TAF2: variants seen among roughly 807,000 people sequenced by gnomAD.
TAF2 encodes transcription initiation factor TFIID subunit 2.
In TAF2, 61 loss-of-function variants were observed where a neutral mutation model predicts 138.5. The ratio of observed to expected loss-of-function variants is 0.44; its 90% confidence interval spans 0.36 to 0.54. TAF2 has a LOEUF of 0.54. Among genes scored for constraint, TAF2 ranks in the 20% least tolerant of loss-of-function variants. TAF2 has a pLI of 0.00. For synonymous variants in TAF2, 475 were observed against 469.9 expected (o/e 1.01, Z -0.14); for missense variants, 1,090 against 1,427.9 (o/e 0.76, Z 3.81).
At chr8:119,793,231 G>T in intron 10 of TAF2, 135 bp downstream of exon 10, 1 of 667,838 alleles carries the variant, frequency 1.5e-6, no homozygotes, top group South Asian at 2.2e-5. Context: ...GAGTCTGTAA[G>T]CTTTAGCAAA....
chr8:119,823,949 C>G (rs1263874256), intron 2 of TAF2, among the ~76,000 whole-genome samples: 4 of 152,222 alleles, frequency 2.6e-5, no homozygotes, highest in Non-Finnish European at 1.5e-5. Flanking sequence ...AGACTGGCAG[C>G]ATTTTGCCCC....
At position 119,781,084 on chromosome 8, in the gene TAF2, A is replaced by G; in HGVS notation, c.2222T>C (p.Phe741Ser). 4.3e-6 allele frequency: 7 copies of G among 1,613,762 alleles called. No individual in the cohort carries two copies. The highest frequency in any genetic ancestry group is 5.9e-6 in the Non-Finnish European group (7 of 1,179,986). The change falls in exon 17 of 26, where the codon TTT becomes TCT. Residue 741 changes from phenylalanine (F) to serine (S), a missense_variant. Physicochemically the swap from Phe to Ser is radical, Grantham distance 155 (BLOSUM62 -2). Transcript: ENST00000378164. ...TAGAAAATAGCTTTGAAAGCTCATA[A>G]AGTTGTTTGTTTTCACAATGTTTGG... ...SCPNIVKTNN[F>S]MSFQSYFLQK...
chr8:119,791,532 A>T, intron 10 of TAF2, 73 bp from the exon 11 acceptor site: 3 of 1,517,690 alleles, frequency 2.0e-6, no homozygotes, highest in Non-Finnish European at 2.7e-6. Flanking sequence ...TCATGACCAC[A>T]TCAAGAAAAT....
At chr8:119,736,018 G>A (rs1819202019) in intron 25 of TAF2, among the ~76,000 whole-genome samples, 1 of 152,156 alleles carries the variant, frequency 6.6e-6, no homozygotes, top group African/African-American at 2.4e-5. Flanking sequence ...CATTTCAGAG[G>A]AGAAAGAAGT....
At chr8:119,786,343 T>C (rs1276028306) in intron 14 of TAF2, among the ~76,000 whole-genome samples, 1 of 152,210 alleles carries the variant, frequency 6.6e-6, no homozygotes, top group Non-Finnish European at 1.5e-5. Flanking sequence ...TTCTTTCCCT[T>C]CAATCACCAT....
At chr8:119,830,846 C>G (rs1826399539) in intron 2 of TAF2, among the ~76,000 whole-genome samples, 1 of 152,168 alleles carries the variant, frequency 6.6e-6, no homozygotes, top group South Asian at 2.1e-4. Context: ...TGGTTCATGC[C>G]TGTAATCCCA....
chr8:119,759,478 A>C (rs1313370427), intron 20 of TAF2, among the ~76,000 whole-genome samples: 1 of 152,054 alleles, frequency 6.6e-6, no homozygotes, highest in Non-Finnish European at 1.5e-5. Context: ...CATACTTTTA[A>C]GTTTTTTACT....
intron 2 of TAF2, among the ~76,000 whole-genome samples, chr8:119,827,857 C>T (rs1826201345): frequency 6.6e-6 from 1 of 151,838 alleles, no homozygotes; most frequent in South Asian, 2.1e-4. Flanking sequence ...GATTCTCCTG[C>T]CTCAGCCTCC....
At chr8:119,791,251 A>T in intron 11 of TAF2, 73 bp downstream of exon 11, 1 of 1,563,070 alleles carries the variant, frequency 6.4e-7, no homozygotes, top group Non-Finnish European at 8.7e-7. Flanking sequence ...CTCCTATTCT[A>T]CAGAAACATA....
At chr8:119,825,175 C>G (rs1392630256) in intron 2 of TAF2, among the ~76,000 whole-genome samples, 1 of 152,242 alleles carries the variant, frequency 6.6e-6, no homozygotes. Flanking sequence ...CTTGCATCAG[C>G]ATGACCTGGA....
At chr8:119,828,420 T>C (rs1826232306) in intron 2 of TAF2, among the ~76,000 whole-genome samples, 1 of 152,192 alleles carries the variant, frequency 6.6e-6, no homozygotes, top group Admixed American at 6.5e-5. Flanking sequence ...AAAGCTTTGC[T>C]ATACAATAAG....
intron 22 of TAF2, among the ~76,000 whole-genome samples, chr8:119,753,883 C>A (rs1384770355): frequency 6.6e-6 from 1 of 152,080 alleles, no homozygotes; most frequent in Non-Finnish European, 1.5e-5. Context: ...AGAGTGAGTG[C>A]CACATATGAA....
intron 22 of TAF2, 46 bp from the exon 23 acceptor site, chr8:119,746,980 C>G (rs1188404449): frequency 1.3e-6 from 2 of 1,584,318 alleles, no homozygotes; most frequent in East Asian, 2.2e-5. Flanking sequence ...CACATTGATT[C>G]ATACATTTTA....
chr8:119,752,347 A>G (rs1382159059), intron 22 of TAF2, among the ~76,000 whole-genome samples: 1 of 152,182 alleles, frequency 6.6e-6, no homozygotes, highest in Non-Finnish European at 1.5e-5. Flanking sequence ...TTGGAAAGAT[A>G]CTAGAGTACC....
intron 20 of TAF2, 24 bp downstream of exon 20, chr8:119,760,575 G>A (rs760266873): frequency 6.2e-6 from 10 of 1,609,916 alleles, no homozygotes; most frequent in Admixed American, 1.7e-5. Context: ...AAAATGATAT[G>A]AGCACGTATT....
intron 2 of TAF2, among the ~76,000 whole-genome samples, chr8:119,824,629 G>C (rs1825988033): frequency 6.6e-6 from 1 of 152,160 alleles, no homozygotes; most frequent in Non-Finnish European, 1.5e-5. Context: ...AAGTGGTTTT[G>C]TGGGCCAGGC....
intron 10 of TAF2, chr8:119,791,959 C>T (rs1156402340): frequency 1.3e-5 from 2 of 152,986 alleles, no homozygotes; most frequent in South Asian, 2.1e-4. Context: ...AAAATTAAAA[C>T]ATTTTGACAC....
chr8:119,772,129 T>C lies in TAF2; in HGVS notation c.2364+5890A>G, dbSNP rs533617213. On this transcript the variant is annotated intron_variant, in intron 18 of 25. Transcript: ENST00000378164. Reference sequence around the variant, plus strand: ...AAATCAAGACAAATAAAAAAAAGAATGAAAATAGAGATACAACATACCAAA... The same window carrying C: ...AAATCAAGACAAATAAAAAAAAGAACGAAAATAGAGATACAACATACCAAA... 3.9e-5 allele frequency among the ~76,000 whole-genome samples: 6 copies of C among 152,088 alleles called. No homozygotes were observed. The South Asian group carries it at 1.2e-3, about 32-fold the overall frequency.
chr8:119,816,309 G>A (rs748428542), intron 3 of TAF2, among the ~76,000 whole-genome samples: 72 of 151,314 alleles, frequency 4.8e-4, no homozygotes, highest in African/African-American at 1.5e-3. Flanking sequence ...TGCCCGCCTC[G>A]GCCTCCCAGA....
Sources: allele counts gnomAD v4.1 joint callset (sites outside exome capture counted in the v4.1 genomes callset), GRCh38; gene constraint gnomAD v4.1.1; transcripts MANE v1.5; gene names NCBI Gene and HGNC (gene_info 2026-07-23, HGNC 2026-07-21).